Variants in PAK5 observed in about 807,000 individuals in gnomAD.
PAK5 encodes the protein p21 (RAC1) activated kinase 5, also known as serine/threonine-protein kinase PAK 5.
Under a neutral mutation model 65.9 loss-of-function variants are expected in PAK5, and 16 were observed. The observed-to-expected ratio is 0.24, with a 90% CI of 0.16 to 0.37. The LOEUF is 0.37. Among genes scored for constraint, PAK5 ranks in the 10% least tolerant of loss-of-function variants. The probability of loss-of-function intolerance (pLI) is 1.00; values close to 1 mark genes in which losing one functional copy is unlikely to be tolerated. For synonymous variants in PAK5, 371 were observed against 354.9 expected, an observed-to-expected ratio of 1.05 and a Z score of -0.51; for missense variants, 785 against 903.9, an observed-to-expected ratio of 0.87 and a Z score of 1.69.
chr20:9,713,987 C>A (rs2048110598), intron 1 of PAK5, among the ~76,000 whole-genome samples: 1 of 151,902 alleles, frequency 6.6e-6, no homozygotes, highest in South Asian at 2.1e-4. Flanking sequence ...CTGTATATTT[C>A]AAAATAACTA....
At chr20:9,552,725 T>A in intron 7 of PAK5, among the ~76,000 whole-genome samples, 1 of 550 alleles carries the variant, frequency 1.8e-3, no homozygotes, top group South Asian at 0.056. Context: ...AATTTTTTAG[T>A]TTTTTTTTTT....
intron 1 of PAK5, among the ~76,000 whole-genome samples, chr20:9,743,391 CAAAAA>C (rs33951813): frequency 7.5e-6 from 1 of 133,568 alleles, no homozygotes; most frequent in African/African-American, 2.9e-5. Context: ...GCAAACAAGC[CAAAAA>C]AAAACAAACG....
chr20:9,711,925 G>A lies in PAK5; in HGVS notation c.-161-490C>T, dbSNP rs144976257. Among the ~76,000 whole-genome samples the A allele has an allele frequency of 7.1e-4, 108 of 152,286 alleles. 2 individuals are homozygous for A. In the East Asian group the frequency reaches 0.015, roughly 21 times the overall value. On this transcript the variant is annotated intron_variant, in intron 1 of 9. Transcript: ENST00000353224. ...AGGGTTAGGTTTCCACAACTCTGTGGCTCCAATATTTTTGTCAAATAATCA... is the reference window on the plus strand; with the variant it reads ...AGGGTTAGGTTTCCACAACTCTGTGACTCCAATATTTTTGTCAAATAATCA...
chr20:9,732,242 T>TCAAG (rs1429554600), intron 1 of PAK5, among the ~76,000 whole-genome samples: 2 of 152,320 alleles, frequency 1.3e-5, no homozygotes, highest in East Asian at 3.9e-4. Flanking sequence ...ATAAAATATT[T>TCAAG]CAAGCATTAA....
chr20:9,610,981 C>T (rs6133731), intron 3 of PAK5, among the ~76,000 whole-genome samples: 47,878 of 152,154 alleles, frequency 0.31, 7,718 homozygotes, highest in East Asian at 0.44. Flanking sequence ...ATGGACATCT[C>T]GGAAGCAGAC....
At chr20:9,699,458 G>A (rs1317297374) in intron 2 of PAK5, among the ~76,000 whole-genome samples, 1 of 151,078 alleles carries the variant, frequency 6.6e-6, no homozygotes, top group Non-Finnish European at 1.5e-5. Flanking sequence ...AATAGCCTTG[G>A]GTGTATATTT....
chr20:9,566,038 C>T lies in PAK5; in HGVS notation c.1337G>A (p.Arg446Lys), dbSNP rs2122994683. The T allele has an allele frequency of 6.2e-7, 1 of 1,613,944 alleles. No individual in the cohort carries two copies. The highest frequency in any genetic ancestry group is 8.5e-7 in the Non-Finnish European group (1 of 1,179,988). Residue 446 changes from arginine (R) to lysine (K), a missense_variant, in exon 5 of 10, where the codon AGG becomes AAG. Coordinates refer to ENST00000353224, the MANE Select transcript of PAK5 (RefSeq NM_177990.4). The part of the protein sequence containing the change: ...LQLVVSPGDP[R>K]EYLANFIKIG... ...TTTGATAAAGTTGGCCAAGTATTCCCTGGGGTCTCCTGGGCTGACCACCAG... is the reference window on the plus strand; with the variant it reads ...TTTGATAAAGTTGGCCAAGTATTCCTTGGGGTCTCCTGGGCTGACCACCAG...
At chr20:9,809,639 T>C (rs984463745) in intron 1 of PAK5, among the ~76,000 whole-genome samples, 3 of 152,206 alleles carry the variant, frequency 2.0e-5, no homozygotes, top group Non-Finnish European at 2.9e-5. Context: ...TTGTGTTTAA[T>C]GGCTGTTTGT....
intron 1 of PAK5, among the ~76,000 whole-genome samples, chr20:9,811,732 C>T (rs1367764788): frequency 6.6e-6 from 1 of 152,136 alleles, no homozygotes; most frequent in Non-Finnish European, 1.5e-5. Flanking sequence ...AAGCACACTT[C>T]CAAAATTTAA....
At chr20:9,770,146 G>C (rs1398294444) in intron 1 of PAK5, among the ~76,000 whole-genome samples, 1 of 152,096 alleles carries the variant, frequency 6.6e-6, no homozygotes, top group African/African-American at 2.4e-5. Flanking sequence ...GATGTCCTTG[G>C]GCAGGCGAAA....
intron 2 of PAK5, among the ~76,000 whole-genome samples, chr20:9,658,837 C>T (rs552952457): frequency 7.9e-5 from 12 of 152,244 alleles, no homozygotes; most frequent in African/African-American, 2.9e-4. Context: ...AATTGGCTCT[C>T]ACAAGCTCAT....
chr20:9,807,551 GAA>G (rs747642396), intron 1 of PAK5, among the ~76,000 whole-genome samples: 1 of 151,988 alleles, frequency 6.6e-6, no homozygotes, highest in Non-Finnish European at 1.5e-5. Flanking sequence ...CAAGAAAATT[GAA>G]AGTTTAGTGG....
intron 2 of PAK5, among the ~76,000 whole-genome samples, chr20:9,699,553 G>GT (rs34450464): frequency 2.2e-4 from 30 of 138,774 alleles, no homozygotes; most frequent in East Asian, 8.3e-4. Context: ...TTTGCTTCTT[G>GT]TTTTTTTTTT....
At chr20:9,825,527 T>A (rs1352825791) in intron 1 of PAK5, among the ~76,000 whole-genome samples, 3 of 152,186 alleles carry the variant, frequency 2.0e-5, no homozygotes, top group African/African-American at 7.2e-5. Flanking sequence ...TGCGTTTTGA[T>A]AATCCCTACC....
intron 1 of PAK5, among the ~76,000 whole-genome samples, chr20:9,821,053 T>C (rs1010543649): frequency 1.3e-5 from 2 of 152,170 alleles, no homozygotes; most frequent in Non-Finnish European, 2.9e-5. Context: ...GAACCCATGG[T>C]GCCCTCTGGT....
chr20:9,539,245 C>T lies in PAK5; in HGVS notation c.*217G>A, dbSNP rs1227302264. 26 of 499,038 alleles carry T rather than the reference C, an allele frequency of 5.2e-5. 1 individual carries two copies. In the East Asian group the frequency reaches 7.0e-4, roughly 14 times the overall value. 30.9% of individuals were successfully genotyped at this position (499,038 alleles called of 1,614,324 possible). A position where few individuals can be genotyped will look rare whatever the true frequency, so the allele number is the denominator to read the frequency against. ...AAAATATAATAATGACTTATTAAAGCCGTGCTCCAAGTGACCACACCGGCT... is the reference window on the plus strand; with the variant it reads ...AAAATATAATAATGACTTATTAAAGTCGTGCTCCAAGTGACCACACCGGCT... On this transcript the variant is annotated 3_prime_UTR_variant, in exon 10 of 10. Coordinates refer to ENST00000353224, the MANE Select transcript of PAK5 (RefSeq NM_177990.4).
chr20:9,824,558 C>A (rs775043993), intron 1 of PAK5, among the ~76,000 whole-genome samples: 2 of 152,158 alleles, frequency 1.3e-5, no homozygotes, highest in Admixed American at 1.3e-4. Flanking sequence ...AAATCATATG[C>A]AATTTGGAGT....
chr20:9,619,599 C>T (rs975508984), intron 3 of PAK5, among the ~76,000 whole-genome samples: 1 of 152,176 alleles, frequency 6.6e-6, no homozygotes, highest in African/African-American at 2.4e-5. Flanking sequence ...AGATGAGGAG[C>T]TCGCCTTTCC....
intron 7 of PAK5, among the ~76,000 whole-genome samples, chr20:9,547,352 T>C (rs763652598): frequency 3.9e-5 from 6 of 152,208 alleles, no homozygotes; most frequent in Non-Finnish European, 5.9e-5. Context: ...CAATTTGTTA[T>C]AGCAGTCCTA....
Sources: gnomAD v4.1 joint callset for allele counts (sites outside exome capture counted in the v4.1 genomes callset) on GRCh38, gnomAD v4.1.1 for gene constraint, MANE v1.5 for transcripts, NCBI Gene and HGNC (gene_info 2026-07-23, HGNC 2026-07-21) for gene names.